The following SON variants were observed in gnomAD, a reference collection of about 807,000 sequenced individuals.
SON encodes the protein SON DNA and RNA binding protein, also known as protein SON.
A neutral mutation model predicts 173.3 loss-of-function variants in SON; 4 were observed. That is an observed-to-expected ratio of 0.02 (90% CI 0.01 to 0.05). The LOEUF (loss-of-function observed/expected upper bound fraction) is 0.05. SON is among the 10% of genes least tolerant of loss of function. The probability of loss-of-function intolerance (pLI) is 1.00; values close to 1 mark genes in which losing one functional copy is unlikely to be tolerated. For synonymous variants in SON, 1,190 were observed against 1,105.9 expected (o/e 1.08, Z -1.51); for missense variants, 2,626 against 3,055.3 (o/e 0.86, Z 3.31).
Position 33,553,636 on chromosome 21 carries a change from TCCACAC to T in SON, c.4407_4412del (p.Thr1470_Pro1471del), listed in dbSNP as rs1358143626. 6.2e-7 allele frequency: 1 copy of T among 1,613,440 alleles called. No individual in the cohort carries two copies. Among genetic ancestry groups the T allele is most frequent in the Non-Finnish European group, 8.5e-7 (1 of 1,179,826 alleles). On this transcript the variant is annotated inframe_deletion, in exon 3 of 12. Transcript: ENST00000356577. ...AATACCAACTGAGGTGGCTATAGAG[TCCACAC>T]CAATGATACTGGAATCTAGTATCAT...
At chr21:33,575,559 C>T (rs776325233) in intron 9 of SON, 37 bp from the exon 10 acceptor site, 1 of 1,513,634 alleles carries the variant, frequency 6.6e-7, no homozygotes, top group South Asian at 1.2e-5. Flanking sequence ...TAAAGTGGTG[C>T]TTTGAAATTT....
rs767377460 is a variant in SON, at chr21:33,550,912, C to T, written c.1681C>T (p.Pro561Ser). The T allele has an allele frequency of 1.9e-6, 3 of 1,607,192 alleles. No individual in the cohort carries two copies. Among genetic ancestry groups the T allele is most frequent in the South Asian group, 1.1e-5 (1 of 90,902 alleles). ...AGTGGCAACGACAGCGCTGGAGTTG[C>T]CGGGGCAGCCTTCGGTGACTGGGGT... Reference protein sequence around the residue: ...QPVATTALELPGQPSVTGVPE... With the variant: ...QPVATTALELSGQPSVTGVPE... Residue 561 changes from proline to serine, a missense_variant, in exon 3 of 12, where the codon CCG becomes TCG. Pro to Ser is a moderately conservative substitution (Grantham distance 74). Coordinates refer to ENST00000356577, the MANE Select transcript of SON (RefSeq NM_138927.4).
intron 8 of SON, chr21:33,572,111 AT>A (rs1271119374): frequency 2.0e-5 from 3 of 151,254 alleles, no homozygotes; most frequent in Non-Finnish European, 4.4e-5. Context: ...TGTGCATACT[AT>A]TTCCTGAGCT....
intron 8 of SON, among the ~76,000 whole-genome samples, chr21:33,571,398 C>A (rs537123552): frequency 6.6e-6 from 1 of 152,240 alleles, no homozygotes; most frequent in Admixed American, 6.5e-5. Flanking sequence ...TTAGTATAGT[C>A]CAGCATCTGC....
chr21:33,552,648 A>C lies in SON; in HGVS notation c.3417A>C (p.Thr1139=). ...ADSYTDSYTD[T]YTEAYMVPPL... Reference sequence around the variant, plus strand: ...CTTACACCGATTCTTACACTGACACATATACAGAGGCATATATGGTGCCAC... The same window carrying C: ...CTTACACCGATTCTTACACTGACACCTATACAGAGGCATATATGGTGCCAC... Residue 1139 remains threonine (T), a synonymous_variant, in exon 3 of 12, where the codon ACA becomes ACC. Transcript: ENST00000356577. This position sits in a 1 kb window ranked among gnomAD's most constrained non-coding sequence, Gnocchi z 5.6. 1 of 1,614,100 alleles carries C rather than the reference A, an allele frequency of 6.2e-7. No homozygotes were observed.
chr21:33,571,843 C>T (rs574190421), intron 8 of SON: 4 of 152,524 alleles, frequency 2.6e-5, no homozygotes, highest in African/African-American at 9.6e-5. Context: ...ATCCAAGCAT[C>T]AGCTTTCTCT....
intron 2 of SON, among the ~76,000 whole-genome samples, chr21:33,547,890 A>AT (rs55756921): frequency 3.8e-4 from 56 of 147,310 alleles, no homozygotes; most frequent in Admixed American, 1.0e-3. Context: ...AATTTTTTGT[A>AT]TTTTTTTTTT....
chr21:33,546,365 T>C lies in SON; in HGVS notation c.230T>C (p.Leu77Pro), dbSNP rs1202019258. ...EVLSGVLDTE[L>P]RYKPDLKEGS... ...CTTTCTGGGGTCTTAGATACAGAAC[T>C]ACGATATAAGCCAGGTAAGTTGGAG... The change falls in exon 2 of 12, where the codon CTA becomes CCA. Residue 77 changes from leucine (L) to proline (P), a missense_variant. Physicochemically the swap from Leu to Pro is moderately conservative, Grantham distance 98. Coordinates refer to ENST00000356577, the MANE Select transcript of SON (RefSeq NM_138927.4). 18 of 1,607,484 alleles carry C rather than the reference T, an allele frequency of 1.1e-5. No individual in the cohort carries two copies.
At chr21:33,545,025 G>C (rs1172031378) in intron 1 of SON, among the ~76,000 whole-genome samples, 9 of 152,012 alleles carry the variant, frequency 5.9e-5, no homozygotes, top group Non-Finnish European at 1.3e-4. Flanking sequence ...TTTCTCATCT[G>C]CTTTTATGTA....
In SON at chr21:33,550,966, A is replaced by G. The variant is rs867525419; in HGVS notation, c.1735A>G (p.Thr579Ala). 3 of 1,604,390 alleles carry G rather than the reference A, an allele frequency of 1.9e-6. No homozygotes were observed. The highest frequency in any genetic ancestry group is 1.7e-4 in the Middle Eastern group (1 of 6,022). The change falls in exon 3 of 12, where the codon ACT (threonine) becomes GCT (alanine). Residue 579 changes from threonine to alanine, a missense_variant. This residue lies in a region of SON where 757 missense variants were observed against 730.1 expected (regional missense o/e 1.04). Transcript: ENST00000356577. ...VPELPGLPSA[T>A]RALELSGQPV... ...AGAGTTGCCAGGGCTGCCTTCGGCA[A>G]CTAGGGCACTGGAGTTGTCGGGGCA...
rs1223080212 is a variant in SON at position 33,577,477 on chromosome 21, A to G, written c.*1053A>G. On this transcript the variant is annotated 3_prime_UTR_variant, in exon 12 of 12. Coordinates refer to ENST00000356577, the MANE Select transcript of SON (RefSeq NM_138927.4). ...AGGCCCAAATACAAACTTCTCTGGA[A>G]TAAACGTGGTGTTTTATTTTCTGGG... 1.3e-5 allele frequency: 2 copies of G among 152,646 alleles called. No homozygotes were observed. Among genetic ancestry groups the G allele is most frequent in the African/African-American group, 2.4e-5 (1 of 41,460 alleles). The allele number at this position is 152,646 out of a possible 1,614,324, so 9.5% of individuals were successfully genotyped here.
chr21:33,572,656 TA>T, intron 8 of SON: 1 of 1,212,038 alleles, frequency 8.3e-7, no homozygotes, highest in Non-Finnish European at 1.1e-6. Flanking sequence ...AGGAGTTTTT[TA>T]AAAGTCTTTT....
At chr21:33,545,035 A>G (rs571624712) in intron 1 of SON, among the ~76,000 whole-genome samples, 27 of 152,254 alleles carry the variant, frequency 1.8e-4, no homozygotes, top group Non-Finnish European at 3.4e-4. Flanking sequence ...GCTTTTATGT[A>G]AATTAGAGTA....
chr21:33,552,625 T>G lies in SON; in HGVS notation c.3394T>G (p.Tyr1132Asp). The G allele has an allele frequency of 6.2e-7, 1 of 1,614,082 alleles. No homozygotes were observed. Among genetic ancestry groups the G allele is most frequent in the Non-Finnish European group, 8.5e-7 (1 of 1,179,962 alleles). ...AATGATGTCTATGGCTGCTGATTCTTACACCGATTCTTACACTGACACATA... is the reference window on the plus strand; with the variant it reads ...AATGATGTCTATGGCTGCTGATTCTGACACCGATTCTTACACTGACACATA... ...RSMMSMAADS[Y>D]TDSYTDTYTE... Residue 1132 changes from tyrosine to aspartate, a missense_variant, in exon 3 of 12, where the codon TAC (tyrosine) becomes GAC (aspartate). By Grantham distance (160) the Tyr-to-Asp change is radical. This residue lies in a region of SON where 366 missense variants were observed against 448.6 expected (regional missense o/e 0.82). Coordinates refer to ENST00000356577, the MANE Select transcript of SON (RefSeq NM_138927.4). The surrounding 1 kb of genome is among the most constrained non-coding windows in gnomAD (Gnocchi z 5.6).
In SON at chr21:33,552,868, C is replaced by T; in HGVS notation, c.3637C>T (p.Pro1213Ser). ...TGAAGAGTCTGTATCGCAGCCTGAGCCTCCTGTGAGTCAAAGTGAGATTTC... is the reference window on the plus strand; with the variant it reads ...TGAAGAGTCTGTATCGCAGCCTGAGTCTCCTGTGAGTCAAAGTGAGATTTC... ...PSEESVSQPE[P>S]PVSQSEISEP... is the part of the protein sequence containing the mutation. The change falls in exon 3 of 12, where the codon CCT becomes TCT. Residue 1213 changes from proline (P) to serine (S), a missense_variant. By Grantham distance (74) the Pro-to-Ser change is moderately conservative. Transcript: ENST00000356577. The surrounding 1 kb of genome is among the most constrained non-coding windows in gnomAD (Gnocchi z 5.6). 1 of 1,613,864 alleles carries T rather than the reference C, an allele frequency of 6.2e-7. No homozygotes were observed. The highest frequency in any genetic ancestry group is 1.3e-5 in the African/African-American group (1 of 75,002).
At chr21:33,569,792 T>C (rs1211680996) in intron 8 of SON, 1 of 259,520 alleles carries the variant, frequency 3.9e-6, no homozygotes, top group Admixed American at 5.9e-5. Flanking sequence ...GGATGGAGAT[T>C]AATCTGTGGA....
At position 33,550,583 on chromosome 21, in the gene SON, A is replaced by T; in HGVS notation, c.1352A>T (p.Gln451Leu). Residue 451 changes from glutamine to leucine, a missense_variant, in exon 3 of 12, where the codon CAG becomes CTG. Around this residue, in one of 13 missense-constraint regions of SON, gnomAD observed 757 missense variants for 730.1 expected, o/e 1.04. Coordinates refer to ENST00000356577, the MANE Select transcript of SON (RefSeq NM_138927.4). ...PSVTPVPQLS[Q>L]ELPGLPAPSM... is the part of the protein sequence containing the mutation. ...GTGACACCAGTGCCACAGTTGTCGC[A>T]GGAATTGCCAGGGCTTCCAGCACCA... 1 of 1,613,698 alleles carries T rather than the reference A, an allele frequency of 6.2e-7. No individual in the cohort carries two copies. Among genetic ancestry groups the T allele is most frequent in the Non-Finnish European group, 8.5e-7 (1 of 1,179,906 alleles).
In SON at chr21:33,550,731, A is replaced by T; in HGVS notation, c.1500A>T (p.Ala500=). ...CAGAGCAGCCTGCGGTAACAGTAGC[A>T]ATGGAGTTGACCGAACAACCTGTGA... ...ELPEQPAVTV[A]MELTEQPVTT... is the part of the protein sequence containing the mutation. Residue 500 remains alanine, a synonymous_variant, in exon 3 of 12, where the codon GCA becomes GCT. Coordinates refer to ENST00000356577, the MANE Select transcript of SON (RefSeq NM_138927.4). 1 of 1,614,062 alleles carries T rather than the reference A, an allele frequency of 6.2e-7. No homozygotes were observed. The highest frequency in any genetic ancestry group is 1.1e-5 in the South Asian group (1 of 91,082).
rs567190796 is a variant in SON, at chr21:33,549,955, C to G, written c.724C>G (p.Leu242Val). 11 of 1,614,190 alleles carry G rather than the reference C, an allele frequency of 6.8e-6. No individual in the cohort carries two copies. The African/African-American group carries it at 8.0e-5, about 12-fold the overall frequency. ...VMPEPSMTKI[L>V]DSFAAAPVPT... ...GCCAGAACCATCCATGACAAAGATT[C>G]TGGATTCCTTTGCAGCAGCACCAGT... Residue 242 changes from leucine (L) to valine (V), a missense_variant, in exon 3 of 12, where the codon CTG (leucine) becomes GTG (valine). Leu to Val is a conservative substitution (Grantham distance 32, BLOSUM62 1). Coordinates refer to ENST00000356577, the MANE Select transcript of SON (RefSeq NM_138927.4).
Sources: gnomAD v4.1 joint callset for allele counts (sites outside exome capture counted in the v4.1 genomes callset) on GRCh38, gnomAD v4.1.1 for gene constraint, gnomAD v4.1.1 regional missense constraint, Gnocchi (gnomAD v3.1) non-coding constraint, MANE v1.5 for transcripts, NCBI Gene and HGNC (gene_info 2026-07-23, HGNC 2026-07-21) for gene names.